The following FRMPD1 variants were observed in gnomAD, a reference collection of about 807,000 sequenced individuals.
FRMPD1 encodes the protein FERM and PDZ domain-containing protein 1.
Under a neutral mutation model 117.8 loss-of-function variants are expected in FRMPD1, and 76 were observed. That is an observed-to-expected ratio of 0.65 (90% CI 0.54 to 0.78). FRMPD1 has a LOEUF of 0.78. FRMPD1 is among the 30% of genes least tolerant of loss of function. The pLI is 0.00. For synonymous variants in FRMPD1, 783 were observed against 770.4 expected (o/e 1.02, Z -0.27); for missense variants, 1,786 against 1,964.5 (o/e 0.91, Z 1.72).
At chr9:37,626,622 G>GAAAAATAAAAAAAAAAAAAAAAA in the FRMPD1 span, among the ~76,000 whole-genome samples, 1 of 48,650 alleles carries the variant, frequency 2.1e-5, no homozygotes. Flanking sequence ...CCTGGTATCT[G>GAAAAATAAAAAAAAAAAAAAAAA]AAAAAAAAAA....
chr9:37,726,440 G>A (rs1823619963), intron 7 of FRMPD1, among the ~76,000 whole-genome samples: 1 of 152,186 alleles, frequency 6.6e-6, no homozygotes, highest in Non-Finnish European at 1.5e-5. Flanking sequence ...GCTCATGCCT[G>A]TAATCCCAGC....
At chr9:37,669,970 G>C (rs961353607) in intron 1 of FRMPD1, 1 of 150,780 alleles carries the variant, frequency 6.6e-6, no homozygotes, top group East Asian at 1.9e-4. Flanking sequence ...TCCAGCCTGG[G>C]CAACAAGAGC....
At chr9:37,664,605 A>T (rs1821104801) in intron 1 of FRMPD1, among the ~76,000 whole-genome samples, 1 of 152,034 alleles carries the variant, frequency 6.6e-6, no homozygotes, top group African/African-American at 2.4e-5. Flanking sequence ...TTTGCTGAGG[A>T]TGATGGTTTC....
At chr9:37,634,597 C>T in the FRMPD1 span, among the ~76,000 whole-genome samples, 5 of 152,152 alleles carry the variant, frequency 3.3e-5, no homozygotes, top group Admixed American at 2.6e-4. Context: ...TCTTGTCCTG[C>T]CGCTTCCCAG....
intron 1 of FRMPD1, among the ~76,000 whole-genome samples, chr9:37,677,423 C>T (rs1328957933): frequency 1.3e-5 from 2 of 152,244 alleles, no homozygotes; most frequent in Non-Finnish European, 2.9e-5. Flanking sequence ...GTCTAACCTT[C>T]TGAAATGAAG....
chr9:37,679,777 G>C (rs1277811493), intron 1 of FRMPD1, among the ~76,000 whole-genome samples: 1 of 152,236 alleles, frequency 6.6e-6, no homozygotes, highest in Admixed American at 6.5e-5. Flanking sequence ...GAACCTGATT[G>C]CTGGTCTCCT....
chr9:37,742,138 A>G (rs1180812279), intron 15 of FRMPD1, among the ~76,000 whole-genome samples: 1 of 151,080 alleles, frequency 6.6e-6, no homozygotes, highest in Admixed American at 6.6e-5. Context: ...AATTGTTGTT[A>G]AATGAATGAA....
At position 37,663,298 on chromosome 9, in the gene FRMPD1, G is replaced by A. The variant is rs375644750; in HGVS notation, c.-5+12204G>A. Among the ~76,000 whole-genome samples, 11 of 152,282 alleles carry A rather than the reference G, an allele frequency of 7.2e-5. No homozygotes were observed. In the East Asian group the frequency reaches 2.1e-3, roughly 29 times the overall value. Reference sequence around the variant, plus strand: ...GAGATCTGGATAGATGGATGCTGAAGATGGTTCTTCAGGAAGTCTTTTGGA... The same window carrying A: ...GAGATCTGGATAGATGGATGCTGAAAATGGTTCTTCAGGAAGTCTTTTGGA... On this transcript the variant is annotated intron_variant, in intron 1 of 15. Coordinates refer to ENST00000377765, the MANE Select transcript of FRMPD1 (RefSeq NM_014907.3).
intron 2 of FRMPD1, among the ~76,000 whole-genome samples, chr9:37,704,497 C>G (rs920989845): frequency 6.6e-6 from 1 of 152,050 alleles, no homozygotes; most frequent in African/African-American, 2.4e-5. Context: ...AGAAGCAGTG[C>G]TAGTGTGCCT....
chr9:37,714,576 GTTTATTTTAT>G (rs879932382), intron 5 of FRMPD1, among the ~76,000 whole-genome samples: 18 of 144,642 alleles, frequency 1.2e-4, no homozygotes, highest in African/African-American at 4.7e-4. Flanking sequence ...CTCCGAAGAA[GTTTATTTTAT>G]TTTATTTTAT....
intron 1 of FRMPD1, among the ~76,000 whole-genome samples, chr9:37,678,959 G>A (rs925583464): frequency 1.3e-5 from 2 of 152,182 alleles, no homozygotes; most frequent in Non-Finnish European, 2.9e-5. Context: ...GCCTTTTAGG[G>A]CCCAGCACAG....
chr9:37,628,929 T>G, the FRMPD1 span, among the ~76,000 whole-genome samples: 1 of 152,252 alleles, frequency 6.6e-6, no homozygotes, highest in Non-Finnish European at 1.5e-5. Flanking sequence ...CCGGGCGCGG[T>G]GGCTCACGCC....
In FRMPD1 at chr9:37,707,576, A is replaced by G; in HGVS notation, c.259+3A>G. 1.2e-6 allele frequency: 2 copies of G among 1,611,062 alleles called. No homozygotes were observed. The highest frequency in any genetic ancestry group is 1.7e-6 in the Non-Finnish European group (2 of 1,178,332). ...TACAGTGGTGGCTGTCACAGCAGGT[A>G]GGGGATGACTGGGAAATGAGAAAGG... is the stretch of plus-strand genomic sequence containing the variant. On this transcript the variant is annotated splice_donor_region_variant and intron_variant, in intron 3 of 15. Transcript: ENST00000377765.
intron 1 of FRMPD1, among the ~76,000 whole-genome samples, chr9:37,674,621 G>T (rs1008297044): frequency 6.6e-6 from 1 of 152,166 alleles, no homozygotes; most frequent in African/African-American, 2.4e-5. Flanking sequence ...AAGAAAAAGA[G>T]GTTTAATTGG....
chr9:37,736,852 C>T (rs912983422), intron 13 of FRMPD1, among the ~76,000 whole-genome samples: 8 of 145,904 alleles, frequency 5.5e-5, no homozygotes, highest in African/African-American at 1.0e-4. Flanking sequence ...TGTGTGAGTG[C>T]GTGAGAGTGT....
At chr9:37,700,394 T>A (rs1822489520) in intron 2 of FRMPD1, among the ~76,000 whole-genome samples, 1 of 152,254 alleles carries the variant, frequency 6.6e-6, no homozygotes, top group Non-Finnish European at 1.5e-5. Flanking sequence ...TCTGGTTTCT[T>A]TGAATCGTCT....
At chr9:37,712,233 T>G (rs1476846974) in intron 5 of FRMPD1, among the ~76,000 whole-genome samples, 1 of 152,174 alleles carries the variant, frequency 6.6e-6, no homozygotes, top group Non-Finnish European at 1.5e-5. Context: ...AAAAATTCAA[T>G]TAAAAACCAT....
the FRMPD1 span, among the ~76,000 whole-genome samples, chr9:37,621,492 A>G: frequency 1.3e-5 from 2 of 152,122 alleles, no homozygotes; most frequent in Non-Finnish European, 2.9e-5. Context: ...GGGATAAGGA[A>G]GGGGTGTGTG....
At chr9:37,615,651 C>T in the FRMPD1 span, among the ~76,000 whole-genome samples, 1 of 152,216 alleles carries the variant, frequency 6.6e-6, no homozygotes, top group Admixed American at 6.5e-5. Flanking sequence ...GTACTGACAA[C>T]ACTTTACAGC....
Sources: gnomAD v4.1 joint callset for allele counts (sites outside exome capture counted in the v4.1 genomes callset) on GRCh38, gnomAD v4.1.1 for gene constraint, MANE v1.5 for transcripts, NCBI Gene and HGNC (gene_info 2026-07-23, HGNC 2026-07-21) for gene names.